Variants in ABTB3 observed in about 807,000 individuals in gnomAD.
ABTB3 encodes the protein ankyrin repeat and BTB domain containing 3, also known as ankyrin repeat- and BTB/POZ domain-containing protein 3.
the ABTB3 span, among the ~76,000 whole-genome samples, chr12:107,497,845 C>G: frequency 6.6e-6 from 1 of 152,196 alleles, no homozygotes. Context: ...ATTCCCACCT[C>G]AACTCTCTGA....
chr12:107,473,550 C>T, the ABTB3 span, among the ~76,000 whole-genome samples: 32 of 152,268 alleles, frequency 2.1e-4, no homozygotes, highest in Admixed American at 4.6e-4. Context: ...GACGGGGTTT[C>T]ACCATGTGGG....
the ABTB3 span, among the ~76,000 whole-genome samples, chr12:107,497,453 T>C: frequency 1.3e-5 from 2 of 150,586 alleles, no homozygotes; most frequent in Admixed American, 6.6e-5. Flanking sequence ...ACCATCACCA[T>C]CATCACAATT....
chr12:107,513,550 C>T, the ABTB3 span, among the ~76,000 whole-genome samples: 2 of 152,196 alleles, frequency 1.3e-5, no homozygotes, highest in Admixed American at 6.6e-5. Flanking sequence ...TATAAGTTTC[C>T]TGAGGCCTCC....
At chr12:107,333,202 C>T in the ABTB3 span, among the ~76,000 whole-genome samples, 1 of 152,142 alleles carries the variant, frequency 6.6e-6, no homozygotes. Flanking sequence ...ACTCTTCCTC[C>T]TATGTTCTGG....
At chr12:107,359,492 G>C in the ABTB3 span, among the ~76,000 whole-genome samples, 24 of 152,316 alleles carry the variant, frequency 1.6e-4, no homozygotes, top group Non-Finnish European at 2.5e-4. Context: ...GCTCCAAAGG[G>C]AGCAGAAACC....
the ABTB3 span, among the ~76,000 whole-genome samples, chr12:107,626,343 C>CTTTTTTTTTTTTTTTTTTTTTTTTTTT: frequency 4.4e-5 from 5 of 112,512 alleles, no homozygotes; most frequent in East Asian, 2.7e-4. Flanking sequence ...CTATCGTCAT[C>CTTTTTTTTTTTTTTTTTTTTTTTTTTT]TTTTTTTTTT....
the ABTB3 span, among the ~76,000 whole-genome samples, chr12:107,644,194 G>T: frequency 1.3e-5 from 2 of 152,212 alleles, no homozygotes; most frequent in Non-Finnish European, 2.9e-5. Flanking sequence ...AAAGCGTGGG[G>T]ACACTGTTCT....
chr12:107,364,635 C>T, the ABTB3 span, among the ~76,000 whole-genome samples: 1 of 152,182 alleles, frequency 6.6e-6, no homozygotes, highest in Non-Finnish European at 1.5e-5. Flanking sequence ...AATCACAAAC[C>T]ACAAATCACT....
At chr12:107,589,181 A>G in the ABTB3 span, among the ~76,000 whole-genome samples, 2 of 152,254 alleles carry the variant, frequency 1.3e-5, no homozygotes, top group African/African-American at 4.8e-5. Flanking sequence ...AATGCACATG[A>G]AATACTAGCT....
At chr12:107,516,656 G>C in the ABTB3 span, among the ~76,000 whole-genome samples, 1 of 152,224 alleles carries the variant, frequency 6.6e-6, no homozygotes. Flanking sequence ...AGCTCAGTGT[G>C]TCTGGAGCCA....
At chr12:107,650,674 C>A in the ABTB3 span, 1 of 152,320 alleles carries the variant, frequency 6.6e-6, no homozygotes, top group East Asian at 1.9e-4. Context: ...GGATTACAGG[C>A]ACCTGCCACC....
At chr12:107,482,990 TTCCTTCCTTCCTTCC>T in the ABTB3 span, among the ~76,000 whole-genome samples, 2 of 15,872 alleles carry the variant, frequency 1.3e-4, no homozygotes, top group African/African-American at 3.1e-4. Flanking sequence ...CTTTCTTTCC[TTCCTTCCTTCCTTCC>T]TTCTTTCCTT....
At chr12:107,621,323 A>C in the ABTB3 span, among the ~76,000 whole-genome samples, 9 of 152,106 alleles carry the variant, frequency 5.9e-5, no homozygotes, top group Non-Finnish European at 1.3e-4. Flanking sequence ...TGAGGAGTAA[A>C]ACCTGCTGGA....
the ABTB3 span, chr12:107,319,098 C>T: frequency 6.2e-7 from 1 of 1,609,378 alleles, no homozygotes; most frequent in Non-Finnish European, 8.5e-7. Context: ...AGCTGCTGGC[C>T]GCCTCTAGCT....
the ABTB3 span, among the ~76,000 whole-genome samples, chr12:107,608,884 A>AAAAT: frequency 1.8e-3 from 141 of 76,950 alleles, no homozygotes; most frequent in East Asian, 0.025. Context: ...AATTTAAAAT[A>AAAAT]AAATAAAATA....
the ABTB3 span, among the ~76,000 whole-genome samples, chr12:107,353,250 AGCATGGT>A: frequency 6.6e-6 from 1 of 152,068 alleles, no homozygotes; most frequent in Non-Finnish European, 1.5e-5. Flanking sequence ...CTCTGAGCCC[AGCATGGT>A]GGGGGGGAGA....
At chr12:107,445,953 T>C in the ABTB3 span, among the ~76,000 whole-genome samples, 3 of 145,092 alleles carry the variant, frequency 2.1e-5, no homozygotes, top group African/African-American at 7.6e-5. Flanking sequence ...CTCCCTTTTA[T>C]AGAGACCCTT....
chr12:107,325,323 G>A, the ABTB3 span, among the ~76,000 whole-genome samples: 1 of 152,200 alleles, frequency 6.6e-6, no homozygotes, highest in Non-Finnish European at 1.5e-5. Flanking sequence ...CTGTTGAGCA[G>A]TGTTGCTGTG....
the ABTB3 span, among the ~76,000 whole-genome samples, chr12:107,367,464 GCTCT>G: frequency 6.6e-6 from 1 of 151,646 alleles, no homozygotes; most frequent in Non-Finnish European, 1.5e-5. Flanking sequence ...TTATGCAAGG[GCTCT>G]CTCTCTCATT....
Sources: allele counts gnomAD v4.1 joint callset (sites outside exome capture counted in the v4.1 genomes callset), GRCh38; gene constraint gnomAD v4.1.1; transcripts MANE v1.5; gene names NCBI Gene and HGNC (gene_info 2026-07-23, HGNC 2026-07-21).